The following TAS2R1 variants were observed in gnomAD, a reference collection of about 807,000 sequenced individuals.
The protein encoded by TAS2R1 is taste 2 receptor member 1.
For synonymous variants in TAS2R1, 141 were observed against 134.2 expected (o/e 1.05, Z -0.35); for missense variants, 370 against 353.4 (o/e 1.05, Z -0.38).
the TAS2R1 span, among the ~76,000 whole-genome samples, chr5:9,779,361 G>A: frequency 3.3e-5 from 5 of 152,242 alleles, no homozygotes; most frequent in South Asian, 2.1e-4. Context: ...AAATCTCATC[G>A]TTATAAATTA....
upstream of TAS2R1, among the ~76,000 whole-genome samples, chr5:9,717,136 G>C (rs760718829): frequency 1.3e-5 from 2 of 152,178 alleles, no homozygotes; most frequent in Non-Finnish European, 2.9e-5. Flanking sequence ...ACCCTAGAAA[G>C]AGGAAATGAA....
chr5:9,795,192 G>A, the TAS2R1 span, among the ~76,000 whole-genome samples: 7 of 152,108 alleles, frequency 4.6e-5, no homozygotes, highest in South Asian at 2.1e-4. Flanking sequence ...TCTAATCAGC[G>A]TTTTCTACAA....
Position 9,629,461 on chromosome 5 carries a change from A to G in TAS2R1, c.572T>C (p.Leu191Pro). 2 of 1,614,216 alleles carry G rather than the reference A, an allele frequency of 1.2e-6. No individual in the cohort carries two copies. Among genetic ancestry groups the G allele is most frequent in the African/African-American group, 2.7e-5 (2 of 75,064 alleles). ...GAAAATCAAGAGCAAAACAGCAAAA[A>G]GGAAGATAAGCAATGGCACTGAGAA... ...AEFSVPLLIF[L>P]FAVLLLIFSL... The change falls in exon 1 of 1, where the codon CTT becomes CCT. Residue 191 changes from leucine (L) to proline (P), a missense_variant. Coordinates refer to ENST00000382492, the MANE Select transcript of TAS2R1 (RefSeq NM_019599.3).
the TAS2R1 span, among the ~76,000 whole-genome samples, chr5:9,814,320 C>A: frequency 0.055 from 8,399 of 151,940 alleles, 235 homozygotes; most frequent in East Asian, 0.11. Context: ...AAAAAAAATG[C>A]TCACAAAATG....
At chr5:9,804,271 C>T in the TAS2R1 span, among the ~76,000 whole-genome samples, 1 of 152,028 alleles carries the variant, frequency 6.6e-6, no homozygotes, top group Non-Finnish European at 1.5e-5. Context: ...TAAGAAATGA[C>T]ATTGATGGCA....
the TAS2R1 span, chr5:9,867,087 A>G: frequency 6.6e-6 from 1 of 152,238 alleles, no homozygotes; most frequent in Admixed American, 6.5e-5. Context: ...CCAGAAAAGG[A>G]CTGACTGCTG....
intron 1 of TAS2R1, among the ~76,000 whole-genome samples, chr5:9,679,519 C>G (rs1740953699): frequency 1.3e-5 from 2 of 152,244 alleles, no homozygotes; most frequent in Non-Finnish European, 2.9e-5. Flanking sequence ...CAAAAGGCAA[C>G]AGGAACTGCC....
the TAS2R1 span, among the ~76,000 whole-genome samples, chr5:9,861,382 C>T: frequency 9.3e-4 from 141 of 152,238 alleles, no homozygotes; most frequent in East Asian, 0.025. Context: ...ATATCACTGA[C>T]GGCAATTATT....
the TAS2R1 span, among the ~76,000 whole-genome samples, chr5:9,869,311 G>A: frequency 1.1e-4 from 17 of 152,202 alleles, 1 homozygote; most frequent in Admixed American, 1.1e-3. Context: ...TAGCATGGCT[G>A]GGGAGGCCTC....
At chr5:9,740,052 G>A in the TAS2R1 span, among the ~76,000 whole-genome samples, 1 of 152,154 alleles carries the variant, frequency 6.6e-6, no homozygotes, top group African/African-American at 2.4e-5. Context: ...AGGGATCACA[G>A]GAGTTGTCTA....
At chr5:9,783,372 C>A in the TAS2R1 span, among the ~76,000 whole-genome samples, 7 of 152,348 alleles carry the variant, frequency 4.6e-5, no homozygotes, top group South Asian at 1.4e-3. Flanking sequence ...ATCTGGTCAG[C>A]TTAGCTGATG....
the TAS2R1 span, among the ~76,000 whole-genome samples, chr5:9,833,028 A>G: frequency 6.6e-6 from 1 of 152,234 alleles, no homozygotes; most frequent in Non-Finnish European, 1.5e-5. Context: ...AGAGGCTTTC[A>G]GGACATAGGT....
chr5:9,639,751 C>A (rs907048940), intron 2 of TAS2R1, among the ~76,000 whole-genome samples: 1 of 152,210 alleles, frequency 6.6e-6, no homozygotes, highest in Non-Finnish European at 1.5e-5. Context: ...TTTCCTTAAA[C>A]GTCATGATCT....
At chr5:9,638,531 C>T (rs1023430232) in intron 2 of TAS2R1, among the ~76,000 whole-genome samples, 11 of 152,288 alleles carry the variant, frequency 7.2e-5, no homozygotes, top group African/African-American at 2.4e-4. Context: ...TCCTGAGTTG[C>T]TTTAATGACC....
the TAS2R1 span, among the ~76,000 whole-genome samples, chr5:9,783,001 C>T: frequency 6.6e-6 from 1 of 152,158 alleles, no homozygotes; most frequent in Non-Finnish European, 1.5e-5. Context: ...TGACAAATAG[C>T]AGGCATTTGT....
At chr5:9,670,275 A>G (rs926927393) in intron 1 of TAS2R1, among the ~76,000 whole-genome samples, 4 of 152,146 alleles carry the variant, frequency 2.6e-5, no homozygotes, top group African/African-American at 9.7e-5. Flanking sequence ...GCCTCCTTAC[A>G]TTTTTTAAGT....
the TAS2R1 span, chr5:9,883,809 T>G: frequency 2.0e-5 from 3 of 152,180 alleles, no homozygotes; most frequent in African/African-American, 7.2e-5. Flanking sequence ...TCAAGTACTT[T>G]GGGTAAATAT....
chr5:9,879,466 C>T, the TAS2R1 span, among the ~76,000 whole-genome samples: 6 of 152,152 alleles, frequency 3.9e-5, no homozygotes, highest in Admixed American at 1.3e-4. Context: ...CAGTTCTTCT[C>T]GTGGATCCCA....
At chr5:9,889,228 C>T in the TAS2R1 span, among the ~76,000 whole-genome samples, 5 of 152,106 alleles carry the variant, frequency 3.3e-5, no homozygotes, top group East Asian at 1.9e-4. Context: ...ACTCTGAGTG[C>T]CCCCATCTGC....
Sources: gnomAD v4.1 joint callset for allele counts (sites outside exome capture counted in the v4.1 genomes callset) on GRCh38, gnomAD v4.1.1 for gene constraint, MANE v1.5 for transcripts, NCBI Gene and HGNC (gene_info 2026-07-23, HGNC 2026-07-21) for gene names.